The following POLN variants were observed in gnomAD, a reference collection of about 807,000 sequenced individuals.
POLN encodes DNA polymerase N.
A neutral mutation model predicts 113.5 loss-of-function variants in POLN; 108 were observed. The observed-to-expected ratio is 0.95, with a 90% CI of 0.81 to 1.12. POLN has a LOEUF of 1.12. Among genes scored for constraint, POLN ranks in the 50% most tolerant of loss-of-function variants. The pLI is 0.00. For synonymous variants in POLN, 386 were observed against 391.5 expected (o/e 0.99, Z 0.17); for missense variants, 1,097 against 1,077.1 (o/e 1.02, Z -0.26).
At chr4:2,221,122 T>C (rs1170258075) in intron 3 of POLN, among the ~76,000 whole-genome samples, 1 of 152,086 alleles carries the variant, frequency 6.6e-6, no homozygotes, top group African/African-American at 2.4e-5. Flanking sequence ...ACTCAAGATT[T>C]ATTTTTTAAA....
At chr4:2,082,122 T>C (rs1254803318) in intron 21 of POLN, among the ~76,000 whole-genome samples, 3 of 151,958 alleles carry the variant, frequency 2.0e-5, no homozygotes, top group Non-Finnish European at 2.9e-5. Flanking sequence ...GCCCAGCTAA[T>C]TTTTTGTATT....
At chr4:2,185,413 G>C (rs1243107401) in intron 7 of POLN, among the ~76,000 whole-genome samples, 2 of 152,232 alleles carry the variant, frequency 1.3e-5, no homozygotes, top group African/African-American at 4.8e-5. Context: ...GTAAGACAGA[G>C]GAAGGGAGAA....
At chr4:2,168,772 G>T (rs1732790127) in intron 13 of POLN, among the ~76,000 whole-genome samples, 1 of 152,254 alleles carries the variant, frequency 6.6e-6, no homozygotes, top group Admixed American at 6.5e-5. Context: ...CAGCAAGACA[G>T]ATGCTGCTTC....
intron 19 of POLN, among the ~76,000 whole-genome samples, chr4:2,115,695 T>A (rs1482589604): frequency 3.9e-5 from 6 of 152,194 alleles, no homozygotes; most frequent in Admixed American, 2.0e-4. Context: ...CAATATTTAT[T>A]TCCTAAAAAG....
At chr4:2,206,563 C>G (rs150402863) in intron 5 of POLN, among the ~76,000 whole-genome samples, 1 of 152,058 alleles carries the variant, frequency 6.6e-6, no homozygotes, top group East Asian at 1.9e-4. Context: ...AAAAAGCAAA[C>G]AATCCCATCA....
At chr4:2,163,881 C>T (rs1035006578) in intron 13 of POLN, among the ~76,000 whole-genome samples, 10 of 152,206 alleles carry the variant, frequency 6.6e-5, no homozygotes, top group Admixed American at 4.6e-4. Context: ...TTTTGTGATA[C>T]GGCACATCAA....
chr4:2,143,992 C>T (rs912010795), intron 16 of POLN, among the ~76,000 whole-genome samples: 1 of 151,932 alleles, frequency 6.6e-6, no homozygotes, highest in African/African-American at 2.4e-5. Flanking sequence ...GGTGGTAATA[C>T]ATTGCCCATG....
chr4:2,224,301 G>C (rs1210888550), intron 3 of POLN, among the ~76,000 whole-genome samples: 3 of 152,122 alleles, frequency 2.0e-5, no homozygotes, highest in Non-Finnish European at 4.4e-5. Context: ...AATACATATG[G>C]AGCTGTCACT....
At position 2,179,586 on chromosome 4, in the gene POLN, C is replaced by T. The variant is rs6820291; in HGVS notation, c.1022-121G>A. The T allele has an allele frequency of 3.9e-6, 4 of 1,014,294 alleles. No individual in the cohort carries two copies. In the Admixed American group the frequency reaches 8.0e-5, roughly 20 times the overall value. 62.8% of individuals were successfully genotyped at this position (1,014,294 alleles called of 1,614,324 possible). On this transcript the variant is annotated intron_variant, in intron 7 of 25. Coordinates refer to ENST00000511885, the MANE Select transcript of POLN (RefSeq NM_181808.4). ...TATTGTCATCCTCTCAAATTATAGA[C>T]CTAAGGACCAAAGTGACTTTCCATT...
At chr4:2,109,462 G>A (rs1261790149) in intron 19 of POLN, among the ~76,000 whole-genome samples, 2 of 152,104 alleles carry the variant, frequency 1.3e-5, no homozygotes, top group Admixed American at 6.6e-5. Context: ...TCTGAGAAAA[G>A]CAATGAGACT....
intron 8 of POLN, among the ~76,000 whole-genome samples, chr4:2,177,964 G>A (rs1358815023): frequency 6.6e-6 from 1 of 152,218 alleles, no homozygotes; most frequent in Non-Finnish European, 1.5e-5. Context: ...TCTTCCCAAG[G>A]CCTGGTACTG....
intron 10 of POLN, 133 bp downstream of exon 10, chr4:2,174,558 T>C: frequency 2.6e-6 from 2 of 766,204 alleles, no homozygotes; most frequent in Non-Finnish European, 4.4e-6. Context: ...GGGAAAATAA[T>C]AGGCTTGCTA....
chr4:2,190,475 G>T (rs1346847101), intron 7 of POLN, among the ~76,000 whole-genome samples: 2 of 126,006 alleles, frequency 1.6e-5, no homozygotes, highest in Non-Finnish European at 3.0e-5. Flanking sequence ...TCTGGGCAAT[G>T]ATTTTTTTTT....
chr4:2,125,477 G>A (rs1304336623), intron 19 of POLN, among the ~76,000 whole-genome samples: 1 of 152,232 alleles, frequency 6.6e-6, no homozygotes, highest in Admixed American at 6.5e-5. Context: ...AGCAACAAGA[G>A]AAGACAGGAA....
intron 16 of POLN, among the ~76,000 whole-genome samples, chr4:2,137,575 G>A (rs1030477886): frequency 6.0e-4 from 91 of 152,264 alleles, no homozygotes; most frequent in African/African-American, 2.1e-3. Context: ...AACCCTGTGA[G>A]TGGCTTGGAT....
chr4:2,106,960 C>T (rs889582685), intron 19 of POLN, among the ~76,000 whole-genome samples: 1 of 152,064 alleles, frequency 6.6e-6, no homozygotes. Context: ...TTTGTTAGGA[C>T]ATTTCTGTAT....
chr4:2,193,519 C>T (rs1364771550), intron 6 of POLN, among the ~76,000 whole-genome samples: 1 of 152,050 alleles, frequency 6.6e-6, no homozygotes, highest in African/African-American at 2.4e-5. Context: ...AGATAAGGTA[C>T]CCAAGGTCAC....
At chr4:2,154,547 T>C (rs1157289615) in intron 16 of POLN, among the ~76,000 whole-genome samples, 1 of 152,210 alleles carries the variant, frequency 6.6e-6, no homozygotes, top group African/African-American at 2.4e-5. Context: ...TTTCACATAC[T>C]ATGTGGTGGG....
At chr4:2,220,485 C>T (rs1734229038) in intron 3 of POLN, among the ~76,000 whole-genome samples, 2 of 152,338 alleles carry the variant, frequency 1.3e-5, no homozygotes, top group Admixed American at 1.3e-4. Context: ...CTGACTGGCA[C>T]TTCAGCCAAC....
Sources: allele counts gnomAD v4.1 joint callset (sites outside exome capture counted in the v4.1 genomes callset), GRCh38; gene constraint gnomAD v4.1.1; transcripts MANE v1.5; gene names NCBI Gene and HGNC (gene_info 2026-07-23, HGNC 2026-07-21).